Variants in ZFHX3 observed in about 807,000 individuals in gnomAD.
ZFHX3 encodes the protein zinc finger homeobox 3, also known as zinc finger homeobox protein 3.
A neutral mutation model predicts 279.1 loss-of-function variants in ZFHX3; 42 were observed. That is an observed-to-expected ratio of 0.15 (90% CI 0.12 to 0.19). ZFHX3 has a LOEUF of 0.19. ZFHX3 is among the 10% of genes least tolerant of loss of function. The pLI is 1.00. For synonymous variants in ZFHX3, 2,293 were observed against 1,957.8 expected (o/e 1.17, Z -4.52); for missense variants, 4,981 against 4,754.0 (o/e 1.05, Z -1.40).
chr16:73,571,986 T>C (rs2051742731), intron 2 of ZFHX3, among the ~76,000 whole-genome samples: 1 of 151,950 alleles, frequency 6.6e-6, no homozygotes, highest in Non-Finnish European at 1.5e-5. Context: ...AGCCCAGAAG[T>C]TCTAAGGGAA....
intron 7 of ZFHX3, among the ~76,000 whole-genome samples, chr16:73,124,175 T>C (rs1966532851): frequency 1.3e-5 from 2 of 152,162 alleles, no homozygotes; most frequent in African/African-American, 4.8e-5. Flanking sequence ...CGTAACAAAA[T>C]ACCATAAACT....
chr16:73,286,673 A>G (rs1415557086), intron 4 of ZFHX3, among the ~76,000 whole-genome samples: 26 of 110,022 alleles, frequency 2.4e-4, no homozygotes, highest in East Asian at 1.2e-3. Context: ...GGCTGTGTGG[A>G]TGTGTGGGTT....
rs868566409 is a variant in ZFHX3, at chr16:73,661,032, C to T, written c.-1547+19148G>A. On this transcript the variant is annotated intron_variant, in intron 2 of 17. Coordinates refer to the ZFHX3 transcript ENST00000641206. ...CCTCACAGTGTCACAAAAGTGAAGA[C>T]TGTATGAGAGATGCTTAAACTGCAC... Among the ~76,000 whole-genome samples the T allele has an allele frequency of 4.6e-5, 7 of 152,304 alleles. No homozygotes were observed. The South Asian group carries it at 1.5e-3, about 32-fold the overall frequency.
chr16:73,891,096 T>G lies in ZFHX3; in HGVS notation c.-1608+555A>C, dbSNP rs79250644. On this transcript the variant is annotated intron_variant, in intron 1 of 17. Transcript: ENST00000641206. ...TTGCATCATTATGTCATCTCCATAC[T>G]AATCTCTGCCCTCACACCTCTGCCA... Among the ~76,000 whole-genome samples the G allele has an allele frequency of 3.8e-3, 559 of 146,162 alleles. 2 individuals carry two copies. Among genetic ancestry groups the G allele is most frequent in the African/African-American group, 0.013 (520 of 39,856 alleles).
At chr16:73,365,605 C>T (rs1179148343) in intron 3 of ZFHX3, among the ~76,000 whole-genome samples, 1 of 152,220 alleles carries the variant, frequency 6.6e-6, no homozygotes, top group Non-Finnish European at 1.5e-5. Flanking sequence ...CAATTCTAAA[C>T]ACTGTGATCT....
chr16:73,084,003 G>A (rs1299064509), intron 8 of ZFHX3, among the ~76,000 whole-genome samples: 1 of 152,202 alleles, frequency 6.6e-6, no homozygotes, highest in Non-Finnish European at 1.5e-5. Flanking sequence ...ATTTGGAAGT[G>A]TCTGGAGACA....
intron 8 of ZFHX3, among the ~76,000 whole-genome samples, chr16:73,072,880 C>T (rs1339222818): frequency 6.6e-6 from 1 of 151,466 alleles, no homozygotes; most frequent in Non-Finnish European, 1.5e-5. Context: ...ATTCCTATTT[C>T]TTTCTTTCTT....
intron 2 of ZFHX3, among the ~76,000 whole-genome samples, chr16:73,545,989 A>G (rs2020102006): frequency 6.6e-6 from 1 of 152,170 alleles, no homozygotes; most frequent in Admixed American, 6.5e-5. Flanking sequence ...GCTTTTCAAA[A>G]GAACATCCCC....
chr16:73,776,158 G>C (rs1260921347), intron 1 of ZFHX3, among the ~76,000 whole-genome samples: 1 of 152,024 alleles, frequency 6.6e-6, no homozygotes, highest in African/African-American at 2.4e-5. Context: ...TTTTCATGTT[G>C]CAAATCGCGT....
chr16:73,568,555 G>A (rs1437608127), intron 2 of ZFHX3, among the ~76,000 whole-genome samples: 1 of 152,134 alleles, frequency 6.6e-6, no homozygotes, highest in Non-Finnish European at 1.5e-5. Flanking sequence ...ATCAACCCGT[G>A]TGGAACTTGA....
At chr16:73,452,987 T>C (rs992150451) in intron 3 of ZFHX3, among the ~76,000 whole-genome samples, 6 of 152,244 alleles carry the variant, frequency 3.9e-5, no homozygotes, top group South Asian at 4.1e-4. Flanking sequence ...TCCTTCTCCA[T>C]TGGGTTGGAC....
At chr16:73,287,076 GT>G (rs1451972268) in intron 4 of ZFHX3, among the ~76,000 whole-genome samples, 9 of 150,526 alleles carry the variant, frequency 6.0e-5, no homozygotes, top group East Asian at 4.0e-4. Context: ...GTGTGTGGCT[GT>G]GTGGGTGTGT....
chr16:73,107,099 T>G (rs1484133682), intron 7 of ZFHX3, among the ~76,000 whole-genome samples: 1 of 152,134 alleles, frequency 6.6e-6, no homozygotes, highest in Non-Finnish European at 1.5e-5. Flanking sequence ...GGCAGATCAC[T>G]TGAGGTCAGG....
chr16:73,481,737 C>A (rs901828253), intron 2 of ZFHX3, among the ~76,000 whole-genome samples: 3 of 152,146 alleles, frequency 2.0e-5, no homozygotes, highest in Non-Finnish European at 2.9e-5. Flanking sequence ...AAGTGATCCT[C>A]CCACCTCTGC....
At chr16:73,750,389 C>A (rs2053751038) in intron 1 of ZFHX3, among the ~76,000 whole-genome samples, 1 of 152,202 alleles carries the variant, frequency 6.6e-6, no homozygotes, top group African/African-American at 2.4e-5. Flanking sequence ...GATCTTATTA[C>A]TATTATCATG....
chr16:73,767,128 G>A (rs1465980281), intron 1 of ZFHX3, among the ~76,000 whole-genome samples: 1 of 151,864 alleles, frequency 6.6e-6, no homozygotes, highest in African/African-American at 2.4e-5. Flanking sequence ...GTAGAGATGG[G>A]GTTTCACCAT....
intron 2 of ZFHX3, among the ~76,000 whole-genome samples, chr16:73,509,959 G>T (rs1028037019): frequency 6.6e-6 from 1 of 152,200 alleles, no homozygotes; most frequent in Non-Finnish European, 1.5e-5. Context: ...GCGTCCTAAA[G>T]TTCTGGGAGT....
rs542084595 is a variant in ZFHX3 at position 73,308,702 on chromosome 16, C to T, written c.-1194+9538G>A. ...ACAATGGAACAACTTATGCATTTAT[C>T]GTCAACAATTTATTGAGTGTTTTCA... is the stretch of plus-strand genomic sequence containing the variant. On this transcript the variant is annotated intron_variant, in intron 4 of 17. Coordinates refer to the ZFHX3 transcript ENST00000641206. Among the ~76,000 whole-genome samples the T allele has an allele frequency of 8.5e-5, 13 of 152,108 alleles. 1 individual carries two copies. The South Asian group carries it at 2.5e-3, about 29-fold the overall frequency.
intron 4 of ZFHX3, among the ~76,000 whole-genome samples, chr16:72,844,574 T>C (rs902859405): frequency 2.0e-5 from 3 of 150,552 alleles, no homozygotes; most frequent in Non-Finnish European, 4.4e-5. Context: ...GGAGTGGTGG[T>C]GGGGGGGTGG....
Sources: allele counts gnomAD v4.1 joint callset (sites outside exome capture counted in the v4.1 genomes callset), GRCh38; gene constraint gnomAD v4.1.1; transcripts MANE v1.5; gene names NCBI Gene and HGNC (gene_info 2026-07-23, HGNC 2026-07-21).